SERINC2: variants seen among roughly 807,000 people sequenced by gnomAD.
SERINC2 encodes the protein tumor differentially expressed protein 2.
A neutral mutation model predicts 54.2 loss-of-function variants in SERINC2; 56 were observed. The observed-to-expected ratio is 1.03, with a 90% CI of 0.83 to 1.29. SERINC2 has a LOEUF of 1.29. SERINC2 is among the 50% of genes most tolerant of loss of function. The pLI, the probability that SERINC2 is intolerant of heterozygous loss-of-function variation, is 0.00. For missense variants in SERINC2, 614 were observed against 607.4 expected, an observed-to-expected ratio of 1.01 and a Z score of -0.12; for synonymous variants, 272 against 253.1, an observed-to-expected ratio of 1.07 and a Z score of -0.71.
rs1640985892 is a variant in SERINC2 at position 31,424,692 on chromosome 1, G to A, written c.211G>A (p.Val71Met). The change falls in exon 3 of 10, where the codon GTG becomes ATG. Residue 71 changes from valine (V) to methionine (M), a missense_variant. By Grantham distance (21) the Val-to-Met change is conservative. Coordinates refer to ENST00000373709, the MANE Select transcript of SERINC2 (RefSeq NM_178865.5). ...VESQLYKLPW[V>M]CEEGAGIPTV... ...CTGTCTGTCTCCACAGCTGCCCTGG[G>A]TGTGTGAGGAGGGGGCCGGGATCCC... 1 of 1,599,104 alleles carries A rather than the reference G, an allele frequency of 6.3e-7. No homozygotes were observed. The highest frequency in any genetic ancestry group is 2.3e-5 in the East Asian group (1 of 44,262).
upstream of SERINC2, among the ~76,000 whole-genome samples, chr1:31,412,899 AC>A (rs1235215252): frequency 1.3e-5 from 2 of 152,128 alleles, no homozygotes; most frequent in Non-Finnish European, 2.9e-5. Context: ...GTCAGCGGTG[AC>A]CACCTCTTGG....
intron 6 of SERINC2, among the ~76,000 whole-genome samples, chr1:31,428,214 A>G (rs1267466614): frequency 2.7e-5 from 4 of 150,716 alleles, no homozygotes; most frequent in African/African-American, 7.3e-5. Context: ...TAATTTTTGT[A>G]TTTTTAGTAG....
At chr1:31,424,149 A>G (rs1553133164) in intron 2 of SERINC2, among the ~76,000 whole-genome samples, 1 of 151,984 alleles carries the variant, frequency 6.6e-6, no homozygotes, top group African/African-American at 2.4e-5. Context: ...TGGGGCTCCT[A>G]ACTCTTCCCT....
At chr1:31,410,029 G>A, upstream of SERINC2, 1 of 927,212 alleles carries the variant, frequency 1.1e-6, no homozygotes, top group Non-Finnish European at 1.6e-6. Flanking sequence ...GCATCTGTCT[G>A]GGCTGGGTGA....
rs1301729002 is a variant in SERINC2 at position 31,413,550 on chromosome 1, C to T, written c.39+246C>T. Among the ~76,000 whole-genome samples the T allele has an allele frequency of 5.9e-5, 9 of 151,818 alleles. No homozygotes were observed. Among genetic ancestry groups the T allele is most frequent in the Non-Finnish European group, 1.3e-4 (9 of 67,910 alleles). Reference sequence around the variant, plus strand: ...GCTGCGGTCCCGGCTCGGGTTTCCGCGGGCAGGAGGGGAGTGCCCTCGGCG... The same window carrying T: ...GCTGCGGTCCCGGCTCGGGTTTCCGTGGGCAGGAGGGGAGTGCCCTCGGCG... On this transcript the variant is annotated intron_variant, in intron 1 of 9. Coordinates refer to ENST00000373709, the MANE Select transcript of SERINC2 (RefSeq NM_178865.5). This position sits in a 1 kb window ranked among gnomAD's most constrained non-coding sequence, Gnocchi z 5.0.
At chr1:31,417,734 GC>G (rs1344819649) in intron 1 of SERINC2, among the ~76,000 whole-genome samples, 1 of 151,804 alleles carries the variant, frequency 6.6e-6, no homozygotes, top group Non-Finnish European at 1.5e-5. Context: ...TATGAGTTTG[GC>G]TACTCTCTCC....
chr1:31,430,497 C>T (rs1641165155), intron 8 of SERINC2, among the ~76,000 whole-genome samples: 1 of 149,538 alleles, frequency 6.7e-6, no homozygotes, highest in Admixed American at 6.7e-5. Flanking sequence ...CATGGTGTCT[C>T]TAAAAAAAAA....
chr1:31,423,945 C>A, intron 2 of SERINC2, 91 bp downstream of exon 2: 1 of 1,261,800 alleles, frequency 7.9e-7, no homozygotes, highest in Non-Finnish European at 1.1e-6. Flanking sequence ...ACAGCTTATC[C>A]AGAAGAGGAG....
At chr1:31,429,655 TC>T in intron 8 of SERINC2, 117 bp downstream of exon 8, 2 of 1,159,912 alleles carry the variant, frequency 1.7e-6, no homozygotes, top group Non-Finnish European at 2.4e-6. Flanking sequence ...ATTCAATATA[TC>T]CAGGTCTTGC....
upstream of SERINC2, chr1:31,413,091 GC>G: frequency 1.0e-6 from 1 of 986,452 alleles, no homozygotes; most frequent in Non-Finnish European, 1.2e-6. The surrounding 1 kb of genome is among the most constrained non-coding windows in gnomAD (Gnocchi z 5.0). Context: ...TGGCGCACCT[GC>G]CCCAGGTGAG....
chr1:31,432,082 G>GA lies in SERINC2; in HGVS notation c.1014-885_1014-884insA, dbSNP rs1557501044. 2.6e-4 allele frequency among the ~76,000 whole-genome samples: 31 copies of GA among 119,764 alleles called. 1 individual carries two copies. The highest frequency in any genetic ancestry group is 5.6e-4 in the East Asian group (2 of 3,570). The allele number at this position is 119,764 out of a possible 152,430, so 78.6% of individuals were successfully genotyped here. On this transcript the variant is annotated intron_variant, in intron 8 of 9. Transcript: ENST00000373709. ...CAGGGTGGACAGGGTGGACAGGGTG[G>GA]TTAGGGTGGACAGGGTGGACAGGGT... is the stretch of plus-strand genomic sequence containing the variant.
intron 1 of SERINC2, among the ~76,000 whole-genome samples, chr1:31,420,548 T>C (rs1640880862): frequency 6.6e-6 from 1 of 152,100 alleles, no homozygotes; most frequent in African/African-American, 2.4e-5. Context: ...TGTTTGTTTG[T>C]TTTTTCATCA....
At chr1:31,410,376 A>G (rs1183257019), upstream of SERINC2, 10 of 1,546,732 alleles carry the variant, frequency 6.5e-6, no homozygotes, top group African/African-American at 1.4e-5. Flanking sequence ...ACTTATCTTT[A>G]TTTTACAGAT....
intron 5 of SERINC2, 107 bp from the exon 6 acceptor site, chr1:31,426,547 A>G: frequency 1.2e-6 from 1 of 850,118 alleles, no homozygotes; most frequent in Non-Finnish European, 1.8e-6. Context: ...GGGGAAACTG[A>G]GAGCTGGAGA....
chr1:31,409,800 G>C (rs940456127), upstream of SERINC2: 24 of 1,551,370 alleles, frequency 1.5e-5, no homozygotes, highest in East Asian at 5.8e-4. Flanking sequence ...AAGCCCAAGG[G>C]ATAGGAGGGC....
chr1:31,425,137 T>TTTTCCAGGGC (rs1641004135), intron 3 of SERINC2, among the ~76,000 whole-genome samples, 193 bp from the exon 4 acceptor site: 1 of 152,132 alleles, frequency 6.6e-6, no homozygotes, highest in Non-Finnish European at 1.5e-5. Flanking sequence ...GCTTGGTCCT[T>TTTTCCAGGGC]CCTCCTGCCC....
At chr1:31,427,897 C>T (rs1175023726) in intron 6 of SERINC2, among the ~76,000 whole-genome samples, 2 of 142,990 alleles carry the variant, frequency 1.4e-5, no homozygotes, top group Middle Eastern at 3.8e-3. Context: ...GGTGTAATCT[C>T]GGCTCACTGC....
intron 1 of SERINC2, among the ~76,000 whole-genome samples, chr1:31,415,007 A>T (rs538240913): frequency 1.8e-4 from 28 of 152,332 alleles, no homozygotes; most frequent in African/African-American, 6.5e-4. Flanking sequence ...AGACAATGCA[A>T]AGCCAAGTGC....
At position 31,424,697 on chromosome 1, in the gene SERINC2, T is replaced by C. The variant is rs1553133238; in HGVS notation, c.216T>C (p.Cys72=). The change falls in exon 3 of 10, where the codon TGT becomes TGC. Residue 72 remains cysteine, a synonymous_variant. Coordinates refer to ENST00000373709, the MANE Select transcript of SERINC2 (RefSeq NM_178865.5). ...ESQLYKLPWV[C]EEGAGIPTVL... is the part of the protein sequence containing the mutation. The stretch of plus-strand genomic sequence containing the variant: ...TGTCTCCACAGCTGCCCTGGGTGTG[T>C]GAGGAGGGGGCCGGGATCCCCACCG... 8.1e-6 allele frequency: 13 copies of C among 1,600,650 alleles called. No homozygotes were observed. The East Asian group carries it at 2.7e-4, about 33-fold the overall frequency.
Sources: gnomAD v4.1 joint callset for allele counts (sites outside exome capture counted in the v4.1 genomes callset) on GRCh38, gnomAD v4.1.1 for gene constraint, Gnocchi (gnomAD v3.1) non-coding constraint, MANE v1.5 for transcripts, NCBI Gene and HGNC (gene_info 2026-07-23, HGNC 2026-07-21) for gene names.